Variants in ASAP1 observed in about 807,000 individuals in gnomAD.
ASAP1 encodes the protein ArfGAP with SH3 domain, ankyrin repeat and PH domain 1.
A neutral mutation model predicts 145.2 loss-of-function variants in ASAP1; 43 were observed. The observed-to-expected ratio is 0.30, with a 90% CI of 0.23 to 0.38. The LOEUF (loss-of-function observed/expected upper bound fraction) is 0.38, where lower values mean the gene tolerates loss of function less well. ASAP1 is among the 10% of genes least tolerant of loss of function. The pLI, the probability that ASAP1 is intolerant of heterozygous loss-of-function variation, is 1.00. For synonymous variants in ASAP1, 546 were observed against 515.5 expected (o/e 1.06, Z -0.80); for missense variants, 1,018 against 1,355.3 (o/e 0.75, Z 3.91).
intron 4 of ASAP1, among the ~76,000 whole-genome samples, chr8:130,232,344 A>C (rs1408698273): frequency 6.6e-6 from 1 of 152,196 alleles, no homozygotes; most frequent in Non-Finnish European, 1.5e-5. Flanking sequence ...TATTAGCAAA[A>C]GGGCGAAGGA....
At chr8:130,209,489 A>G (rs1816441220) in intron 5 of ASAP1, among the ~76,000 whole-genome samples, 3 of 152,142 alleles carry the variant, frequency 2.0e-5, no homozygotes, top group Admixed American at 6.5e-5. Context: ...TGTCTTAAGC[A>G]TAAATCAAGG....
intron 8 of ASAP1, among the ~76,000 whole-genome samples, chr8:130,180,499 A>G (rs571327070): frequency 2.0e-5 from 3 of 152,352 alleles, no homozygotes; most frequent in South Asian, 2.1e-4. Flanking sequence ...CACAAGCAAC[A>G]TTAAGGTTCT....
At chr8:130,404,449 C>T (rs1828936628) in intron 1 of ASAP1, among the ~76,000 whole-genome samples, 3 of 152,202 alleles carry the variant, frequency 2.0e-5, no homozygotes, top group Non-Finnish European at 4.4e-5. Flanking sequence ...TAAACATATG[C>T]TATCCTTCAG....
intron 24 of ASAP1, among the ~76,000 whole-genome samples, chr8:130,096,040 C>G (rs912973027): frequency 6.6e-6 from 1 of 152,280 alleles, no homozygotes; most frequent in Admixed American, 6.5e-5. Context: ...AGTTTATAAT[C>G]TTACACTTGG....
In ASAP1 at chr8:130,310,992, T is replaced by C. The variant is rs561828488; in HGVS notation, c.186+47025A>G. Among the ~76,000 whole-genome samples, 4 of 152,334 alleles carry C rather than the reference T, an allele frequency of 2.6e-5. No homozygotes were observed. In the South Asian group the frequency reaches 6.2e-4, roughly 24 times the overall value. On this transcript the variant is annotated intron_variant, in intron 3 of 29. Coordinates refer to ENST00000518721, the MANE Select transcript of ASAP1 (RefSeq NM_018482.4). Reference sequence around the variant, plus strand: ...GTGTTTCTCTGATGAAGCTCCTCTTTAGCTCTATTGTGAAGGAGGCTTTAT... The same window carrying C: ...GTGTTTCTCTGATGAAGCTCCTCTTCAGCTCTATTGTGAAGGAGGCTTTAT...
At chr8:130,275,280 G>A (rs965020776) in intron 3 of ASAP1, among the ~76,000 whole-genome samples, 5 of 152,228 alleles carry the variant, frequency 3.3e-5, no homozygotes, top group African/African-American at 1.2e-4. Context: ...TTACAAATGG[G>A]TGAACAAAGA....
At chr8:130,318,577 A>T (rs1823811567) in intron 3 of ASAP1, among the ~76,000 whole-genome samples, 1 of 152,220 alleles carries the variant, frequency 6.6e-6, no homozygotes, top group Admixed American at 6.5e-5. Flanking sequence ...TGACACAGCG[A>T]ATTAAAACAT....
Position 130,078,212 on chromosome 8 carries a change from ACTC to A in ASAP1, c.2642+1687_2642+1689del, listed in dbSNP as rs2097468835. The stretch of plus-strand genomic sequence containing the variant: ...ACCATGTTGGCCAGGCTGGTCCTGA[ACTC>A]CTGACCTCAAGTGATCCACCTGCCT... On this transcript the variant is annotated intron_variant, in intron 26 of 29. Coordinates refer to ENST00000518721, the MANE Select transcript of ASAP1 (RefSeq NM_018482.4). Among the ~76,000 whole-genome samples the A allele has an allele frequency of 2.6e-5, 4 of 151,908 alleles. No individual in the cohort carries two copies. In the South Asian group the frequency reaches 8.3e-4, roughly 32 times the overall value.
intron 3 of ASAP1, among the ~76,000 whole-genome samples, chr8:130,264,630 C>T (rs146840771): frequency 6.6e-5 from 10 of 152,282 alleles, no homozygotes; most frequent in African/African-American, 1.9e-4. Flanking sequence ...CAGATATTCA[C>T]GCACAACATA....
At chr8:130,132,823 TCA>T (rs1491432077) in intron 15 of ASAP1, among the ~76,000 whole-genome samples, 4 of 149,478 alleles carry the variant, frequency 2.7e-5, no homozygotes, top group South Asian at 2.3e-4. Context: ...ACCTTCTCTC[TCA>T]GTTTTCTTTC....
chr8:130,322,991 G>C (rs146313988), intron 3 of ASAP1, among the ~76,000 whole-genome samples: 36 of 152,294 alleles, frequency 2.4e-4, no homozygotes, highest in African/African-American at 8.7e-4. Flanking sequence ...GGCATTTGTG[G>C]AATCAAACTG....
chr8:130,171,928 T>C (rs997918290), intron 9 of ASAP1, among the ~76,000 whole-genome samples: 3 of 152,184 alleles, frequency 2.0e-5, no homozygotes, highest in African/African-American at 7.2e-5. Flanking sequence ...GATACTGCAC[T>C]TAAGTGATTT....
In ASAP1 at chr8:130,358,217, C is replaced by T. The variant is rs1586902161; in HGVS notation, c.60-74G>A. 10 of 1,376,468 alleles carry T rather than the reference C, an allele frequency of 7.3e-6. No homozygotes were observed. The East Asian group carries it at 3.0e-4, about 41-fold the overall frequency. The allele number at this position is 1,376,468 out of a possible 1,614,324, so 85.3% of individuals were successfully genotyped here. A position where few individuals can be genotyped will look rare whatever the true frequency, so the allele number is the denominator to read the frequency against. On this transcript the variant is annotated intron_variant, in intron 2 of 29. Transcript: ENST00000518721. This position sits in a 1 kb window ranked among gnomAD's most constrained non-coding sequence, Gnocchi z 4.1. Reference sequence around the variant, plus strand: ...GCAGGCTCCCGGGGCCGCGGGCCGCCCGGAGGCTCATGAACCCCGGCGCGC... The same window carrying T: ...GCAGGCTCCCGGGGCCGCGGGCCGCTCGGAGGCTCATGAACCCCGGCGCGC...
At chr8:130,225,853 A>C (rs1817556294) in intron 4 of ASAP1, among the ~76,000 whole-genome samples, 2 of 152,146 alleles carry the variant, frequency 1.3e-5, no homozygotes, top group South Asian at 2.1e-4. Context: ...AGAGCTTACC[A>C]CCTTCAATCT....
intron 5 of ASAP1, among the ~76,000 whole-genome samples, chr8:130,210,578 T>C (rs1248974475): frequency 6.6e-6 from 1 of 152,156 alleles, no homozygotes; most frequent in Non-Finnish European, 1.5e-5. Context: ...AGAAAGTACC[T>C]TGCACGCTAA....
At chr8:130,256,739 TTATATATATATATATATA>T (rs58245112) in intron 3 of ASAP1, among the ~76,000 whole-genome samples, 1,653 of 95,842 alleles carry the variant, frequency 0.017, 74 homozygotes, top group African/African-American at 0.032. Flanking sequence ...ATACACATTC[TTATATATATATATATATA>T]TATATATATA....
intron 3 of ASAP1, among the ~76,000 whole-genome samples, chr8:130,350,356 A>G (rs1321580210): frequency 6.6e-6 from 1 of 152,170 alleles, no homozygotes; most frequent in African/African-American, 2.4e-5. Context: ...TTTCTGTCTC[A>G]TCTTTGGGCC....
intron 1 of ASAP1, among the ~76,000 whole-genome samples, chr8:130,411,082 G>A (rs1187460343): frequency 2.0e-5 from 3 of 152,248 alleles, no homozygotes; most frequent in Non-Finnish European, 2.9e-5. Flanking sequence ...GGCTGGTCTC[G>A]AACTCCTGAC....
intron 9 of ASAP1, among the ~76,000 whole-genome samples, chr8:130,170,475 A>G (rs1027932824): frequency 1.3e-5 from 2 of 152,154 alleles, no homozygotes; most frequent in African/African-American, 4.8e-5. Flanking sequence ...CTTAAGAGAC[A>G]TATTTTAAGC....
Sources: allele counts gnomAD v4.1 joint callset (sites outside exome capture counted in the v4.1 genomes callset), GRCh38; gene constraint gnomAD v4.1.1; non-coding constraint Gnocchi (gnomAD v3.1); transcripts MANE v1.5; gene names NCBI Gene and HGNC (gene_info 2026-07-23, HGNC 2026-07-21).